ZC2HC1B: variants seen among roughly 807,000 people sequenced by gnomAD.
ZC2HC1B encodes zinc finger C2HC-type containing 1B, also known as zinc finger C2HC domain-containing protein 1B.
A neutral mutation model predicts 31.0 loss-of-function variants in ZC2HC1B; 36 were observed. That is an observed-to-expected ratio of 1.16 (90% CI 0.89 to 1.54). ZC2HC1B has a LOEUF of 1.54. ZC2HC1B is among the 40% of genes most tolerant of loss of function. ZC2HC1B has a pLI of 0.00. For missense variants in ZC2HC1B, 260 were observed against 268.6 expected, an observed-to-expected ratio of 0.97 and a Z score of 0.22; for synonymous variants, 73 against 88.0, an observed-to-expected ratio of 0.83 and a Z score of 0.95.
chr6:143,889,536 A>G (rs1777572250), intron 4 of ZC2HC1B, among the ~76,000 whole-genome samples: 1 of 152,128 alleles, frequency 6.6e-6, no homozygotes, highest in African/African-American at 2.4e-5. Context: ...GAATGACTGT[A>G]TTAATATAGC....
rs1777762814 is a variant in ZC2HC1B at position 143,903,747 on chromosome 6, G to C, written c.598+595G>C. Among the ~76,000 whole-genome samples, 1 of 152,148 alleles carries C rather than the reference G, an allele frequency of 6.6e-6. No homozygotes were observed. The highest frequency in any genetic ancestry group is 2.4e-5 in the African/African-American group (1 of 41,412). ...GAAGTCCCTGATATAAAATGGCGTA[G>C]AATTTGTATATAACCTAGGCACATC... On this transcript the variant is annotated intron_variant, in intron 6 of 7. Transcript: ENST00000237275. This position sits in a 1 kb window ranked among gnomAD's most constrained non-coding sequence, Gnocchi z 4.3.
At chr6:143,920,725 TG>T (rs1376372367) in intron 6 of ZC2HC1B, among the ~76,000 whole-genome samples, 12 of 151,914 alleles carry the variant, frequency 7.9e-5, no homozygotes, top group African/African-American at 2.9e-4. Context: ...CTGGCCAACA[TG>T]GTGAAACCCC....
rs553778229 is a variant in ZC2HC1B, at chr6:143,901,733, C to T, written c.490-1311C>T. ...AGTGTCTTGCACACAGGGGCTCCTC[C>T]TTTCCTCTCTCTACATTACCCCACC... On this transcript the variant is annotated intron_variant, in intron 5 of 7. Transcript: ENST00000237275. Among the ~76,000 whole-genome samples, 251 of 152,268 alleles carry T rather than the reference C, an allele frequency of 1.6e-3. 1 individual carries two copies. The highest frequency in any genetic ancestry group is 6.8e-3 in the Middle Eastern group (2 of 294).
At position 143,870,617 on chromosome 6, in the gene ZC2HC1B, C is replaced by T. The variant is rs1170768129; in HGVS notation, c.28+6050C>T. On this transcript the variant is annotated intron_variant, in intron 1 of 7. Transcript: ENST00000237275. This position sits in a 1 kb window ranked among gnomAD's most constrained non-coding sequence, Gnocchi z 4.7. ...AGCACTCAGTTCATGATAGGCAGGT[C>T]AGGTTGCATGGTGACTTGATGACCC... 6.6e-6 allele frequency among the ~76,000 whole-genome samples: 1 copy of T among 152,170 alleles called. No homozygotes were observed. The highest frequency in any genetic ancestry group is 1.5e-5 in the Non-Finnish European group (1 of 68,040).
chr6:143,933,437 C>A lies in ZC2HC1B; in HGVS notation c.599-4212C>A, dbSNP rs972871571. 1.3e-5 allele frequency among the ~76,000 whole-genome samples: 2 copies of A among 151,928 alleles called. No individual in the cohort carries two copies. The highest frequency in any genetic ancestry group is 2.9e-5 in the Non-Finnish European group (2 of 67,992). Reference sequence around the variant, plus strand: ...TGTCTTTTGTGATTCACTATTGGACCGGGTAGAGAAATACTATCAGGTGCA... The same window carrying A: ...TGTCTTTTGTGATTCACTATTGGACAGGGTAGAGAAATACTATCAGGTGCA... On this transcript the variant is annotated intron_variant, in intron 6 of 7. Coordinates refer to ENST00000237275, the MANE Select transcript of ZC2HC1B (RefSeq NM_001013623.3). The surrounding 1 kb of genome is among the most constrained non-coding windows in gnomAD (Gnocchi z 6.4).
intron 6 of ZC2HC1B, among the ~76,000 whole-genome samples, chr6:143,906,165 C>T (rs1777792621): frequency 6.6e-6 from 1 of 152,108 alleles, no homozygotes; most frequent in African/African-American, 2.4e-5. Context: ...AGGTCCGGAG[C>T]ATTTTAATGT....
intron 6 of ZC2HC1B, among the ~76,000 whole-genome samples, chr6:143,909,589 T>A (rs1777836109): frequency 6.6e-6 from 1 of 151,230 alleles, no homozygotes; most frequent in South Asian, 2.1e-4. Context: ...ATTTCAGAAC[T>A]TGTTATTGGT....
intron 1 of ZC2HC1B, among the ~76,000 whole-genome samples, chr6:143,867,176 T>C (rs1777274743): frequency 2.0e-5 from 3 of 152,162 alleles, no homozygotes; most frequent in Admixed American, 2.0e-4. Flanking sequence ...TGAAAAAAAA[T>C]CTGAAACACT....
At chr6:143,890,398 CAAAAAAA>C (rs35848743) in intron 4 of ZC2HC1B, among the ~76,000 whole-genome samples, 4 of 63,212 alleles carry the variant, frequency 6.3e-5, no homozygotes, top group Admixed American at 1.6e-4. Flanking sequence ...CAATACAATA[CAAAAAAA>C]AAAAAAAAAA....
rs1777526211 is a variant in ZC2HC1B at position 143,885,941 on chromosome 6, G to A, written c.91-91G>A. 2 of 1,374,514 alleles carry A rather than the reference G, an allele frequency of 1.5e-6. No homozygotes were observed. Among genetic ancestry groups the A allele is most frequent in the African/African-American group, 3.0e-5 (2 of 67,316 alleles). 85.1% of individuals were successfully genotyped at this position (1,374,514 alleles called of 1,614,324 possible). The stretch of plus-strand genomic sequence containing the variant: ...AACTAGGCTCTGAGGAGCAAACATA[G>A]TCCCTGGAGTGGGGGCTGTCTAGGT... On this transcript the variant is annotated intron_variant, in intron 2 of 7. Transcript: ENST00000237275. This position sits in a 1 kb window ranked among gnomAD's most constrained non-coding sequence, Gnocchi z 4.2.
rs1338223877 is a variant in ZC2HC1B, at chr6:143,903,315, G to A, written c.598+163G>A. On this transcript the variant is annotated intron_variant, in intron 6 of 7. Transcript: ENST00000237275. This position sits in a 1 kb window ranked among gnomAD's most constrained non-coding sequence, Gnocchi z 4.3. ...AGGTTAAAGCTTATTTGCCAAAAGG[G>A]AATATTTCTTAATTTATCAGGATTA... Among the ~76,000 whole-genome samples, 1 of 152,178 alleles carries A rather than the reference G, an allele frequency of 6.6e-6. No individual in the cohort carries two copies. The highest frequency in any genetic ancestry group is 1.5e-5 in the Non-Finnish European group (1 of 68,030).
In ZC2HC1B at chr6:143,886,958, AT is replaced by A; in HGVS notation, c.349+144del. The A allele has an allele frequency of 3.2e-6, 3 of 947,158 alleles. No individual in the cohort carries two copies. Among genetic ancestry groups the A allele is most frequent in the South Asian group, 5.5e-5 (2 of 36,268 alleles). The allele number at this position is 947,158 out of a possible 1,614,324, so 58.7% of individuals were successfully genotyped here. Reference sequence around the variant, plus strand: ...TTAATTATATAAAAGTAAACATCCTATTTTTTTCAATTCTGCATAAAGATTC... The same window carrying A: ...TTAATTATATAAAAGTAAACATCCTATTTTTTCAATTCTGCATAAAGATTC... On this transcript the variant is annotated intron_variant, in intron 4 of 7. Coordinates refer to ENST00000237275, the MANE Select transcript of ZC2HC1B (RefSeq NM_001013623.3). The surrounding 1 kb of genome is among the most constrained non-coding windows in gnomAD (Gnocchi z 4.2).
rs1208045790 is a variant in ZC2HC1B, at chr6:143,908,972, C to T, written c.598+5820C>T. Among the ~76,000 whole-genome samples, 2 of 151,962 alleles carry T rather than the reference C, an allele frequency of 1.3e-5. No homozygotes were observed. The highest frequency in any genetic ancestry group is 3.8e-4 in the East Asian group (2 of 5,200). On this transcript the variant is annotated intron_variant, in intron 6 of 7. Transcript: ENST00000237275. This position sits in a 1 kb window ranked among gnomAD's most constrained non-coding sequence, Gnocchi z 4.4. ...TTCCTTTAATACCTAGTTTATTGAG[C>T]GTTTTTAACATAAAGGGATGTTGAA...
In ZC2HC1B at chr6:143,918,637, T is replaced by C. The variant is rs1469040923; in HGVS notation, c.598+15485T>C. 2.0e-5 allele frequency among the ~76,000 whole-genome samples: 3 copies of C among 152,192 alleles called. No homozygotes were observed. The highest frequency in any genetic ancestry group is 4.8e-5 in the African/African-American group (2 of 41,448). ...CTGGCAAGTTTTCAGCCATTATTTC[T>C]CTCTGCTCTTTTCTCTCTCTGCTCC... On this transcript the variant is annotated intron_variant, in intron 6 of 7. Coordinates refer to ENST00000237275, the MANE Select transcript of ZC2HC1B (RefSeq NM_001013623.3). The surrounding 1 kb of genome is among the most constrained non-coding windows in gnomAD (Gnocchi z 4.1).
At chr6:143,881,518 C>T (rs1344195628) in intron 1 of ZC2HC1B, among the ~76,000 whole-genome samples, 2 of 142,614 alleles carry the variant, frequency 1.4e-5, no homozygotes, top group Admixed American at 1.4e-4. Context: ...CCCACTGTAC[C>T]CTAGCCTGGG....
At chr6:143,919,467 C>T (rs1345744338) in intron 6 of ZC2HC1B, among the ~76,000 whole-genome samples, 1 of 152,108 alleles carries the variant, frequency 6.6e-6, no homozygotes, top group East Asian at 1.9e-4. Flanking sequence ...GAGAGAAGGG[C>T]ACTGTCCCTT....
intron 1 of ZC2HC1B, among the ~76,000 whole-genome samples, chr6:143,882,640 A>C (rs73588612): frequency 6.6e-6 from 1 of 151,660 alleles, no homozygotes; most frequent in East Asian, 1.9e-4. Context: ...GGCCTTAAAT[A>C]TAAGTTTCCC....
At chr6:143,906,175 T>A (rs971949396) in intron 6 of ZC2HC1B, among the ~76,000 whole-genome samples, 1 of 152,196 alleles carries the variant, frequency 6.6e-6, no homozygotes, top group Non-Finnish European at 1.5e-5. Context: ...CATTTTAATG[T>A]CATGAGATTT....
At position 143,905,768 on chromosome 6, in the gene ZC2HC1B, G is replaced by A. The variant is rs1051964524; in HGVS notation, c.598+2616G>A. Among the ~76,000 whole-genome samples the A allele has an allele frequency of 3.9e-5, 6 of 152,020 alleles. No individual in the cohort carries two copies. The highest frequency in any genetic ancestry group is 6.6e-5 in the Admixed American group (1 of 15,254). On this transcript the variant is annotated intron_variant, in intron 6 of 7. Coordinates refer to ENST00000237275, the MANE Select transcript of ZC2HC1B (RefSeq NM_001013623.3). The surrounding 1 kb of genome is among the most constrained non-coding windows in gnomAD (Gnocchi z 4.2). ...TGTTGAGTGTTTTTATCATGAAAGG[G>A]TGTTGAATTTTCTCAAATGGTTTTT... is the stretch of plus-strand genomic sequence containing the variant.
Sources: allele counts gnomAD v4.1 joint callset (sites outside exome capture counted in the v4.1 genomes callset), GRCh38; gene constraint gnomAD v4.1.1; non-coding constraint Gnocchi (gnomAD v3.1); transcripts MANE v1.5; gene names NCBI Gene and HGNC (gene_info 2026-07-23, HGNC 2026-07-21).